Variants in LIPG observed in about 807,000 individuals in gnomAD.
LIPG encodes the protein endothelial lipase.
A neutral mutation model predicts 51.8 loss-of-function variants in LIPG; 34 were observed. The ratio of observed to expected loss-of-function variants is 0.66; its 90% CI spans 0.50 to 0.87. The LOEUF (loss-of-function observed/expected upper bound fraction) is 0.87. Among genes scored for constraint, LIPG ranks in the 40% least tolerant of loss-of-function variants. LIPG has a pLI of 0.00. For synonymous variants in LIPG, 246 were observed against 246.1 expected, an observed-to-expected ratio of 1.00 and a Z score of 0.00; for missense variants, 580 against 652.7, an observed-to-expected ratio of 0.89 and a Z score of 1.21.
chr18:49,580,960 T>A (rs1450862041), intron 5 of LIPG, among the ~76,000 whole-genome samples: 1 of 152,178 alleles, frequency 6.6e-6, no homozygotes, highest in Non-Finnish European at 1.5e-5. Flanking sequence ...TGCTGGACAT[T>A]AATGAAGCAT....
intron 5 of LIPG, among the ~76,000 whole-genome samples, chr18:49,580,871 C>T (rs2084811628): frequency 6.6e-6 from 1 of 152,154 alleles, no homozygotes; most frequent in South Asian, 2.1e-4. Flanking sequence ...TTCGTGCTGT[C>T]TTCCCATCAA....
rs1416220182 is a variant in LIPG at position 49,565,187 on chromosome 18, A to T, written c.98-130A>T. On this transcript the variant is annotated intron_variant, in intron 1 of 9. Coordinates refer to ENST00000261292, the MANE Select transcript of LIPG (RefSeq NM_006033.4). ...TTTTTCTGGGAGGTGAAAAGGGAAC[A>T]TTCAGCAGATGTAAAAACCGAAACC... 3.8e-6 allele frequency: 3 copies of T among 789,772 alleles called. No individual in the cohort carries two copies. In the African/African-American group the frequency reaches 5.1e-5, roughly 13 times the overall value. 48.9% of individuals were successfully genotyped at this position (789,772 alleles called of 1,614,324 possible).
At chr18:49,590,371 C>A in intron 9 of LIPG, 130 bp from the exon 10 acceptor site, 1 of 927,030 alleles carries the variant, frequency 1.1e-6, no homozygotes, top group Non-Finnish European at 1.7e-6. Context: ...GAAAGGAATA[C>A]ATGTAAAATA....
intron 9 of LIPG, among the ~76,000 whole-genome samples, chr18:49,588,154 C>G (rs150765308): frequency 1.4e-4 from 21 of 152,166 alleles, no homozygotes; most frequent in Non-Finnish European, 2.6e-4. Flanking sequence ...CCTAAGGGCT[C>G]CTAGCTTCCT....
rs762143243 is a variant in LIPG, at chr18:49,586,811, G to A, written c.1442G>A (p.Arg481His). ...SISPGRELWF[R>H]KCRDGWRMKN... ...TCCCCAGGCCGGGAGCTCTGGTTTC[G>A]CAAGTGTCGGGATGGCTGGAGGATG... is the stretch of plus-strand genomic sequence containing the variant. Residue 481 changes from arginine to histidine, a missense_variant, in exon 9 of 10, where the codon CGC becomes CAC. By Grantham distance (29) the Arg-to-His change is conservative. Coordinates refer to ENST00000261292, the MANE Select transcript of LIPG (RefSeq NM_006033.4). The A allele has an allele frequency of 3.1e-5, 50 of 1,613,940 alleles. No individual in the cohort carries two copies. In the Middle Eastern group the frequency reaches 4.9e-4, roughly 16 times the overall value.
intron 9 of LIPG, chr18:49,589,536 A>G (rs971050527): frequency 6.6e-6 from 1 of 152,368 alleles, no homozygotes; most frequent in Non-Finnish European, 1.5e-5. Context: ...ATCACAGCTC[A>G]TTGCAGCCTC....
intron 5 of LIPG, among the ~76,000 whole-genome samples, chr18:49,578,795 C>T (rs1156579123): frequency 2.0e-5 from 3 of 150,432 alleles, no homozygotes; most frequent in East Asian, 2.0e-4. Flanking sequence ...CCAAGGCTGG[C>T]GGATCACTCG....
intron 5 of LIPG, among the ~76,000 whole-genome samples, chr18:49,577,924 C>A (rs2084743754): frequency 9.6e-6 from 1 of 103,768 alleles, no homozygotes; most frequent in Non-Finnish European, 1.9e-5. Context: ...GGTGGGCGGG[C>A]AGAGGCGCCC....
At chr18:49,573,395 C>A (rs898276064) in intron 4 of LIPG, among the ~76,000 whole-genome samples, 1 of 152,020 alleles carries the variant, frequency 6.6e-6, no homozygotes, top group African/African-American at 2.4e-5. Context: ...GCCTGGGCTC[C>A]CTTTCTGTCT....
At chr18:49,577,175 T>A (rs1364728214) in intron 5 of LIPG, among the ~76,000 whole-genome samples, 3 of 131,674 alleles carry the variant, frequency 2.3e-5, no homozygotes, top group Non-Finnish European at 4.8e-5. Flanking sequence ...CCTTCCGCAG[T>A]GTTTGTGTCC....
chr18:49,566,748 A>G (rs548384838), intron 2 of LIPG, among the ~76,000 whole-genome samples: 5 of 152,134 alleles, frequency 3.3e-5, no homozygotes, highest in African/African-American at 9.6e-5. Flanking sequence ...GAGAGAAGCA[A>G]TTTTCCAGGG....
In LIPG at chr18:49,583,563, C is replaced by T. The variant is rs144717284; in HGVS notation, c.1165C>T (p.Arg389Trp). ...CTTCTCTCCCACTTGTAGAGTGGAG[C>T]GGATCGAGCAGAATGCCACCAACAC... is the stretch of plus-strand genomic sequence containing the variant. ...SQTLPLEIVE[R>W]IEQNATNTFL... Residue 389 changes from arginine to tryptophan, a missense_variant, in exon 8 of 10, where the codon CGG (arginine) becomes TGG (tryptophan). Transcript: ENST00000261292. The T allele has an allele frequency of 8.1e-6, 13 of 1,613,816 alleles. No homozygotes were observed. Among genetic ancestry groups the T allele is most frequent in the African/African-American group, 4.0e-5 (3 of 74,932 alleles).
chr18:49,572,058 G>A (rs1320224130), intron 4 of LIPG, among the ~76,000 whole-genome samples: 3 of 152,184 alleles, frequency 2.0e-5, no homozygotes, highest in Admixed American at 6.5e-5. Flanking sequence ...AGTGGCTCAC[G>A]CCTGTAACCC....
chr18:49,576,532 A>C (rs12326633), intron 5 of LIPG, among the ~76,000 whole-genome samples: 4,336 of 124,122 alleles, frequency 0.035, 124 homozygotes, highest in Middle Eastern at 0.2. Context: ...CAGTAGTGCG[A>C]TCTCAGCTCA....
chr18:49,583,084 G>GA (rs1434861812), intron 7 of LIPG, among the ~76,000 whole-genome samples: 2 of 152,200 alleles, frequency 1.3e-5, no homozygotes, highest in South Asian at 2.1e-4. Context: ...AAGAGGCTAG[G>GA]AGTTTGGGGG....
chr18:49,571,095 CTG>C (rs1360556771), intron 4 of LIPG, among the ~76,000 whole-genome samples: 2 of 152,162 alleles, frequency 1.3e-5, no homozygotes, highest in East Asian at 3.9e-4. Context: ...ATTTCCAAGA[CTG>C]TGGGGCTTGA....
At position 49,565,621 on chromosome 18, in the gene LIPG, G is replaced by C. The variant is rs982289518; in HGVS notation, c.279+123G>C. 4 of 1,116,132 alleles carry C rather than the reference G, an allele frequency of 3.6e-6. No individual in the cohort carries two copies. The African/African-American group carries it at 6.2e-5, about 17-fold the overall frequency. The allele number at this position is 1,116,132 out of a possible 1,614,324, so 69.1% of individuals were successfully genotyped here. On this transcript the variant is annotated intron_variant, in intron 2 of 9. Transcript: ENST00000261292. ...CTCTTCCCCCCTTTCCTTGTGGGCTGCTTGTATTTCAGACAGCTGTGAAGA... is the reference window on the plus strand; with the variant it reads ...CTCTTCCCCCCTTTCCTTGTGGGCTCCTTGTATTTCAGACAGCTGTGAAGA...
In LIPG at chr18:49,583,586, C is replaced by T. The variant is rs751513507; in HGVS notation, c.1188C>T (p.Asn396=). The T allele has an allele frequency of 6.2e-7, 1 of 1,613,958 alleles. No individual in the cohort carries two copies. Among genetic ancestry groups the T allele is most frequent in the Non-Finnish European group, 8.5e-7 (1 of 1,179,998 alleles). ...AGCGGATCGAGCAGAATGCCACCAA[C>T]ACCTTCCTGGTCTACACCGAGGAGG... is the stretch of plus-strand genomic sequence containing the variant. ...IVERIEQNAT[N]TFLVYTEEDL... The change falls in exon 8 of 10, where the codon AAC becomes AAT. Residue 396 remains asparagine (N), a synonymous_variant. Coordinates refer to ENST00000261292, the MANE Select transcript of LIPG (RefSeq NM_006033.4).
intron 5 of LIPG, among the ~76,000 whole-genome samples, chr18:49,576,786 T>C (rs1224859811): frequency 6.6e-6 from 1 of 152,096 alleles, no homozygotes; most frequent in Non-Finnish European, 1.5e-5. Flanking sequence ...CTTGCTATGT[T>C]GCCCAAGCTG....
Sources: gnomAD v4.1 joint callset for allele counts (sites outside exome capture counted in the v4.1 genomes callset) on GRCh38, gnomAD v4.1.1 for gene constraint, MANE v1.5 for transcripts, NCBI Gene and HGNC (gene_info 2026-07-23, HGNC 2026-07-21) for gene names.